Variants in CLBA1 observed in about 807,000 individuals in gnomAD.
CLBA1 encodes the protein uncharacterized protein CLBA1.
Under a neutral mutation model 28.8 loss-of-function variants are expected in CLBA1, and 30 were observed. That is an observed-to-expected ratio of 1.04 (90% CI 0.78 to 1.41). CLBA1 has a LOEUF of 1.41. Ranked by LOEUF, CLBA1 falls within the 40% of genes most tolerant of loss-of-function variation. The pLI is 0.00. For synonymous variants in CLBA1, 160 were observed against 152.8 expected, an observed-to-expected ratio of 1.05 and a Z score of -0.35; for missense variants, 451 against 412.3, an observed-to-expected ratio of 1.09 and a Z score of -0.81.
rs769396396 is a variant in CLBA1 at position 104,994,719 on chromosome 14, G to A, written c.938G>A (p.Arg313His). 14 of 1,613,394 alleles carry A rather than the reference G, an allele frequency of 8.7e-6. No individual in the cohort carries two copies. The highest frequency in any genetic ancestry group is 8.4e-5 in the Admixed American group (5 of 59,852). ...TIPRKRMFTPRKLKLTLFNSD... is the reference protein window; with the variant it reads ...TIPRKRMFTPHKLKLTLFNSD... ...CCAAGGAAAAGGATGTTCACTCCACGCAAGCTCAAACTGACACTCTTTAAT... is the reference window on the plus strand; with the variant it reads ...CCAAGGAAAAGGATGTTCACTCCACACAAGCTCAAACTGACACTCTTTAAT... Residue 313 changes from arginine to histidine, a missense_variant, in exon 5 of 5, where the codon CGC becomes CAC. Transcript: ENST00000547315.
downstream of CLBA1, among the ~76,000 whole-genome samples, chr14:104,996,965 T>G (rs1264501732): frequency 6.6e-6 from 1 of 152,250 alleles, no homozygotes; most frequent in Non-Finnish European, 1.5e-5. Context: ...GCCTCGATTG[T>G]TCTTTTATAT....
intron 3 of CLBA1, among the ~76,000 whole-genome samples, chr14:104,992,642 G>A (rs1900065602): frequency 6.6e-6 from 1 of 152,358 alleles, no homozygotes; most frequent in South Asian, 2.1e-4. Flanking sequence ...CTGAATAGAA[G>A]CCTCAGGTGC....
chr14:104,999,697 A>C (rs1900230682), downstream of CLBA1, among the ~76,000 whole-genome samples: 1 of 152,236 alleles, frequency 6.6e-6, no homozygotes. Context: ...TGAAAACAAC[A>C]CATGTCCAGA....
intron 4 of CLBA1, 145 bp downstream of exon 4, chr14:104,993,209 A>G (rs2140898951): frequency 4.0e-6 from 6 of 1,497,202 alleles, no homozygotes; most frequent in Non-Finnish European, 5.3e-6. Context: ...CATTTGTGCT[A>G]TTTAGGGCAG....
chr14:104,991,709 T>C (rs1463479190), intron 3 of CLBA1, 89 bp downstream of exon 3: 1 of 1,478,532 alleles, frequency 6.8e-7, no homozygotes, highest in African/African-American at 1.4e-5. Context: ...AAGGGGTGGG[T>C]GCAGGCAGAG....
intron 3 of CLBA1, 146 bp downstream of exon 3, chr14:104,991,766 G>A: frequency 1.0e-6 from 1 of 969,576 alleles, no homozygotes. Context: ...CCATAAACGT[G>A]TCAGGGCCAC....
downstream of CLBA1, among the ~76,000 whole-genome samples, chr14:104,998,340 G>C (rs1417734777): frequency 1.3e-5 from 2 of 152,002 alleles, no homozygotes; most frequent in Admixed American, 1.3e-4. Flanking sequence ...CTTGAGCCCA[G>C]GAGTTGGAGG....
chr14:104,992,281 G>A (rs975182389), intron 3 of CLBA1, among the ~76,000 whole-genome samples: 2 of 152,168 alleles, frequency 1.3e-5, no homozygotes, highest in East Asian at 1.9e-4. Flanking sequence ...CCACTGCCAC[G>A]CACAGACTGC....
chr14:104,988,336 T>C (rs900551789), intron 1 of CLBA1, among the ~76,000 whole-genome samples: 1 of 66,384 alleles, frequency 1.5e-5, no homozygotes. Flanking sequence ...GTATAATTTC[T>C]TTTTTTTTTT....
chr14:104,991,404 C>T lies in CLBA1; in HGVS notation c.570-87C>T, dbSNP rs1900014827. On this transcript the variant is annotated intron_variant, in intron 2 of 4. Transcript: ENST00000547315. ...TCTCGGCTTGCGGGTAAAGGCCAGG[C>T]GCCCCGCTGCGTGCCTCGGGCCGTG... 9 of 1,535,354 alleles carry T rather than the reference C, an allele frequency of 5.9e-6. No homozygotes were observed. The East Asian group carries it at 6.9e-5, about 12-fold the overall frequency.
Position 104,993,043 on chromosome 14 carries a change from C to G in CLBA1, c.795C>G (p.Cys265Trp). Reference protein sequence around the residue: ...LTVSSFCLQHCKALIQTKLSG... With the variant: ...LTVSSFCLQHWKALIQTKLSG... ...TCAGCAGCTTCTGTCTCCAGCATTG[C>G]AAAGCCCTGATCCAGACCAAGGTGA... The change falls in exon 4 of 5, where the codon TGC (cysteine) becomes TGG (tryptophan). Residue 265 changes from cysteine to tryptophan, a missense_variant. Coordinates refer to ENST00000547315, the MANE Select transcript of CLBA1 (RefSeq NM_174891.4). The G allele has an allele frequency of 6.2e-7, 1 of 1,613,948 alleles. No individual in the cohort carries two copies. The highest frequency in any genetic ancestry group is 8.5e-7 in the Non-Finnish European group (1 of 1,179,972).
chr14:104,994,191 A>G, intron 4 of CLBA1: 3 of 985,438 alleles, frequency 3.0e-6, no homozygotes, highest in Non-Finnish European at 3.6e-6. Context: ...TGTTGTTCAC[A>G]GCAGCCGGTG....
chr14:104,998,877 G>A (rs1036601786), downstream of CLBA1, among the ~76,000 whole-genome samples: 11 of 152,362 alleles, frequency 7.2e-5, no homozygotes, highest in African/African-American at 2.4e-4. Flanking sequence ...GGGGCCCATC[G>A]TGCCATGCTG....
chr14:104,991,389 C>A, intron 2 of CLBA1, 102 bp from the exon 3 acceptor site: 2 of 1,419,694 alleles, frequency 1.4e-6, no homozygotes, highest in East Asian at 2.4e-5. Flanking sequence ...TCTCGGCTTG[C>A]GGGTAAAGGC....
At chr14:104,997,523 A>C (rs922578963), downstream of CLBA1, among the ~76,000 whole-genome samples, 11 of 152,244 alleles carry the variant, frequency 7.2e-5, no homozygotes, top group East Asian at 2.1e-3. Context: ...AACTGCAAGG[A>C]GGTGACGTGG....
chr14:104,988,443 G>A (rs747911601), intron 1 of CLBA1, among the ~76,000 whole-genome samples: 32 of 150,908 alleles, frequency 2.1e-4, no homozygotes, highest in African/African-American at 6.6e-4. Flanking sequence ...GGATTCAAGC[G>A]ATTCTCCTGC....
At position 104,986,378 on chromosome 14, in the gene CLBA1, G is replaced by A. The variant is rs571606541; in HGVS notation, c.-54G>A. 57 of 1,570,962 alleles carry A rather than the reference G, an allele frequency of 3.6e-5. No homozygotes were observed. Among genetic ancestry groups the A allele is most frequent in the Non-Finnish European group, 4.9e-5 (57 of 1,159,550 alleles). On this transcript the variant is annotated 5_prime_UTR_variant, in exon 1 of 5. Coordinates refer to ENST00000547315, the MANE Select transcript of CLBA1 (RefSeq NM_174891.4). ...TCCTGGGCGGCCAGCACCCCGGCGT[G>A]CATGTCTCCTGAGCAGCTGCCCATC...
chr14:104,995,061 G>C lies in CLBA1; in HGVS notation c.*302G>C, dbSNP rs1900132963. On this transcript the variant is annotated 3_prime_UTR_variant, in exon 5 of 5. Transcript: ENST00000547315. The stretch of plus-strand genomic sequence containing the variant: ...GAATGCTGCTGGCACCTGGTGGGGG[G>C]TTGCCCAGGGATGGACCCTGGGCAT... 9.5e-7 allele frequency: 1 copy of C among 1,053,244 alleles called. No individual in the cohort carries two copies. The highest frequency in any genetic ancestry group is 5.3e-5 in the Admixed American group (1 of 18,812). 65.2% of individuals were successfully genotyped at this position (1,053,244 alleles called of 1,614,324 possible). A position where few individuals can be genotyped will look rare whatever the true frequency, so the allele number is the denominator to read the frequency against.
chr14:104,991,474 G>A lies in CLBA1; in HGVS notation c.570-17G>A, dbSNP rs561030773. The A allele has an allele frequency of 3.1e-6, 5 of 1,613,496 alleles. No homozygotes were observed. Among genetic ancestry groups the A allele is most frequent in the South Asian group, 2.2e-5 (2 of 91,046 alleles). The stretch of plus-strand genomic sequence containing the variant: ...GGCTCTCAAGGTCACCTTTTAACAA[G>A]TGCATCTGTTTTCCAGTAACGAATC... On this transcript the variant is annotated splice_polypyrimidine_tract_variant and intron_variant, in intron 2 of 4. Transcript: ENST00000547315.
Sources: gnomAD v4.1 joint callset for allele counts (sites outside exome capture counted in the v4.1 genomes callset) on GRCh38, gnomAD v4.1.1 for gene constraint, MANE v1.5 for transcripts, NCBI Gene and HGNC (gene_info 2026-07-23, HGNC 2026-07-21) for gene names.